The following AUTS2 variants were observed in gnomAD, a reference collection of about 807,000 sequenced individuals.
AUTS2 encodes activator of transcription and developmental regulator AUTS2, also known as autism susceptibility gene 2 protein.
Under a neutral mutation model 112.4 loss-of-function variants are expected in AUTS2, and 17 were observed. The observed-to-expected ratio is 0.15, with a 90% CI of 0.10 to 0.23. The LOEUF is 0.23. AUTS2 is among the 10% of genes least tolerant of loss of function. The probability of loss-of-function intolerance (pLI) is 1.00; values close to 1 mark genes in which losing one functional copy is unlikely to be tolerated. For synonymous variants in AUTS2, 751 were observed against 702.7 expected (o/e 1.07, Z -1.09); for missense variants, 1,510 against 1,701.6 (o/e 0.89, Z 1.98).
intron 2 of AUTS2, among the ~76,000 whole-genome samples, chr7:69,904,673 T>C (rs1391846880): frequency 6.6e-6 from 1 of 152,210 alleles, no homozygotes; most frequent in Admixed American, 6.5e-5. Flanking sequence ...AAGTTTACCA[T>C]GTTAATTGGG....
chr7:69,872,950 C>A (rs1036701036), intron 1 of AUTS2, among the ~76,000 whole-genome samples: 6 of 141,202 alleles, frequency 4.2e-5, no homozygotes, highest in African/African-American at 1.3e-4. Flanking sequence ...TCAAGCGATT[C>A]TCCTGCCTCA....
Position 70,474,577 on chromosome 7 carries a change from A to T in AUTS2, c.690+38796A>T, listed in dbSNP as rs146490599. Among the ~76,000 whole-genome samples, 19 of 152,320 alleles carry T rather than the reference A, an allele frequency of 1.2e-4. No homozygotes were observed. The East Asian group carries it at 3.7e-3, about 29-fold the overall frequency. On this transcript the variant is annotated intron_variant, in intron 5 of 18. Coordinates refer to ENST00000342771, the MANE Select transcript of AUTS2 (RefSeq NM_015570.4). ...CTCCTGAAATAAGGAAAATATAAGT[A>T]TAACTGCCCACAGAGGCATATAAAA...
chr7:70,767,919 C>A, intron 9 of AUTS2, 105 bp from the exon 10 acceptor site: 1 of 1,091,660 alleles, frequency 9.2e-7, no homozygotes, highest in Non-Finnish European at 1.4e-6. Context: ...GTTATGGGGT[C>A]TCATGACAGC....
At chr7:70,456,700 T>G (rs1796753490) in intron 5 of AUTS2, among the ~76,000 whole-genome samples, 1 of 152,238 alleles carries the variant, frequency 6.6e-6, no homozygotes, top group Non-Finnish European at 1.5e-5. Flanking sequence ...CATCCCAGCC[T>G]GGCTCCACTC....
intron 2 of AUTS2, among the ~76,000 whole-genome samples, chr7:70,069,699 G>GTT (rs1184910800): frequency 6.5e-5 from 8 of 123,748 alleles, no homozygotes; most frequent in Middle Eastern, 4.2e-3. Flanking sequence ...AAAGGCCATG[G>GTT]TTTTTTTTGT....
intron 5 of AUTS2, among the ~76,000 whole-genome samples, chr7:70,527,849 G>A (rs755698867): frequency 6.6e-6 from 1 of 152,264 alleles, no homozygotes; most frequent in African/African-American, 2.4e-5. Context: ...GAGACAAGAA[G>A]CAAAGCCTTT....
In AUTS2 at chr7:70,115,531, T is replaced by C. The variant is rs75578519; in HGVS notation, c.523-2601T>C. ...GATTATTTTCTTTGTGAACGTACTA[T>C]AGTCAGGTACCACATACAAATTTAG... On this transcript the variant is annotated intron_variant, in intron 2 of 18. Coordinates refer to ENST00000342771, the MANE Select transcript of AUTS2 (RefSeq NM_015570.4). Among the ~76,000 whole-genome samples, 466 of 152,346 alleles carry C rather than the reference T, an allele frequency of 3.1e-3. 5 individuals carry two copies. Among genetic ancestry groups the C allele is most frequent in the African/African-American group, 0.011 (452 of 41,586 alleles).
chr7:69,818,878 G>C (rs1397506600), intron 1 of AUTS2, among the ~76,000 whole-genome samples: 1 of 152,134 alleles, frequency 6.6e-6, no homozygotes, highest in Middle Eastern at 3.2e-3. Flanking sequence ...GATATTTATC[G>C]CCTCATGGGC....
chr7:69,710,745 A>T (rs1798283441), intron 1 of AUTS2, among the ~76,000 whole-genome samples: 2 of 152,212 alleles, frequency 1.3e-5, no homozygotes, highest in African/African-American at 4.8e-5. Flanking sequence ...TGTTAAACTA[A>T]CACCTCCATT....
At chr7:70,778,712 T>C (rs1265785595) in intron 14 of AUTS2, among the ~76,000 whole-genome samples, 2 of 152,238 alleles carry the variant, frequency 1.3e-5, no homozygotes, top group Admixed American at 6.5e-5. Context: ...TGAGTTTGGC[T>C]CATTTGTACT....
intron 2 of AUTS2, among the ~76,000 whole-genome samples, chr7:69,960,720 T>A (rs1797396442): frequency 2.0e-5 from 3 of 152,162 alleles, no homozygotes; most frequent in Admixed American, 2.0e-4. Context: ...CGTTATCTTA[T>A]CTTTTGCTTT....
At chr7:69,643,309 C>A (rs1308131329) in intron 1 of AUTS2, 2 of 153,430 alleles carry the variant, frequency 1.3e-5, no homozygotes, top group African/African-American at 4.8e-5. Context: ...AAAAGCAAGT[C>A]ACAGGTCCCT....
intron 4 of AUTS2, among the ~76,000 whole-genome samples, chr7:70,162,176 G>C (rs1339794608): frequency 6.6e-6 from 1 of 152,012 alleles, no homozygotes; most frequent in Non-Finnish European, 1.5e-5. Context: ...GCCGGGCGCG[G>C]TGGCTCACGC....
At chr7:70,621,537 A>G (rs759705285) in intron 5 of AUTS2, among the ~76,000 whole-genome samples, 1 of 152,166 alleles carries the variant, frequency 6.6e-6, no homozygotes, top group Non-Finnish European at 1.5e-5. Context: ...AAAGTCACAG[A>G]CATTTTAGTT....
At chr7:70,600,413 C>T (rs893051930) in intron 5 of AUTS2, among the ~76,000 whole-genome samples, 2 of 151,938 alleles carry the variant, frequency 1.3e-5, no homozygotes, top group African/African-American at 4.8e-5. Context: ...GTAGCTGGGA[C>T]TACAGGCGCC....
At chr7:70,103,146 A>G (rs1385861623) in intron 2 of AUTS2, among the ~76,000 whole-genome samples, 2 of 152,232 alleles carry the variant, frequency 1.3e-5, no homozygotes, top group African/African-American at 4.8e-5. Flanking sequence ...AGGAACAAAC[A>G]CACTGCAATG....
At chr7:70,402,415 A>G (rs41510047) in intron 4 of AUTS2, among the ~76,000 whole-genome samples, 34,458 of 151,868 alleles carry the variant, frequency 0.23, 4,882 homozygotes, top group Non-Finnish European at 0.32. Context: ...ACGCAGAATC[A>G]CAGTTTGCTG....
intron 1 of AUTS2, among the ~76,000 whole-genome samples, chr7:69,805,407 G>C (rs1178835847): frequency 6.6e-6 from 1 of 152,144 alleles, no homozygotes; most frequent in Admixed American, 6.5e-5. Flanking sequence ...CGCAGAGGCA[G>C]ACTTTTTTTT....
chr7:70,544,804 G>A (rs945902255), intron 5 of AUTS2, among the ~76,000 whole-genome samples: 1 of 152,028 alleles, frequency 6.6e-6, no homozygotes, highest in Non-Finnish European at 1.5e-5. Context: ...GGGTGTGCTG[G>A]GGGCTCTGTA....
Sources: allele counts gnomAD v4.1 joint callset (sites outside exome capture counted in the v4.1 genomes callset), GRCh38; gene constraint gnomAD v4.1.1; transcripts MANE v1.5; gene names NCBI Gene and HGNC (gene_info 2026-07-23, HGNC 2026-07-21).